The following SLC30A7 variants were observed in gnomAD, a reference collection of about 807,000 sequenced individuals.
SLC30A7 encodes solute carrier family 30 member 7, also known as zinc transporter 7.
SLC30A7 carries 35 observed loss-of-function variants against 46.0 expected under a neutral mutation model. That is an observed-to-expected ratio of 0.76 (90% confidence interval 0.58 to 1.01). SLC30A7 has a LOEUF of 1.01. SLC30A7 is among the 50% of genes least tolerant of loss of function. SLC30A7 has a pLI of 0.00. For synonymous variants in SLC30A7, 147 were observed against 157.8 expected (o/e 0.93, Z 0.51); for missense variants, 464 against 451.1 (o/e 1.03, Z -0.26).
At chr1:100,940,930 T>A (rs1218362587) in intron 8 of SLC30A7, 2 of 384,676 alleles carry the variant, frequency 5.2e-6, no homozygotes, top group African/African-American at 2.1e-5. Context: ...TGTGCTTGGC[T>A]GAATTCACAA....
chr1:100,940,887 G>A (rs1654301646), intron 8 of SLC30A7: 2 of 312,702 alleles, frequency 6.4e-6, no homozygotes, highest in East Asian at 9.9e-5. Flanking sequence ...TCTAAAACAT[G>A]TCTTCTTTGT....
chr1:100,983,228 CAAG>C (rs1008899191), downstream of SLC30A7, among the ~76,000 whole-genome samples: 13 of 152,056 alleles, frequency 8.5e-5, no homozygotes, highest in East Asian at 1.4e-3. Context: ...ACAGCAGAGA[CAAG>C]GAGGAGCAAA....
chr1:100,914,507 G>T (rs1269494700), intron 6 of SLC30A7, among the ~76,000 whole-genome samples: 1 of 152,020 alleles, frequency 6.6e-6, no homozygotes, highest in African/African-American at 2.4e-5. Flanking sequence ...TATAATTTTT[G>T]ATGTCTGTCA....
At chr1:100,963,680 T>G (rs1655678171) in intron 9 of SLC30A7, among the ~76,000 whole-genome samples, 1 of 152,094 alleles carries the variant, frequency 6.6e-6, no homozygotes. Context: ...TTCTATGATC[T>G]GCACTGTCCA....
At chr1:100,961,217 TCCC>T (rs1276225472) in intron 8 of SLC30A7, among the ~76,000 whole-genome samples, 1 of 152,086 alleles carries the variant, frequency 6.6e-6, no homozygotes, top group Non-Finnish European at 1.5e-5. Context: ...CGCCTTGGCT[TCCC>T]AAAGTGCTGG....
At chr1:100,951,579 C>T (rs1654953894) in intron 8 of SLC30A7, among the ~76,000 whole-genome samples, 1 of 152,178 alleles carries the variant, frequency 6.6e-6, no homozygotes, top group South Asian at 2.1e-4. Flanking sequence ...GCACTGTCTC[C>T]CTACTGCCCA....
At chr1:100,988,574 A>G in the SLC30A7 span, among the ~76,000 whole-genome samples, 1 of 152,190 alleles carries the variant, frequency 6.6e-6, no homozygotes, top group Non-Finnish European at 1.5e-5. Context: ...GGCCAGGCAT[A>G]GTGGCTCATG....
At chr1:100,902,249 A>T (rs1472560720) in intron 2 of SLC30A7, among the ~76,000 whole-genome samples, 2 of 152,194 alleles carry the variant, frequency 1.3e-5, no homozygotes, top group Admixed American at 1.3e-4. Context: ...GTCACATTTT[A>T]TTAAGTACTA....
chr1:100,916,496 A>G (rs531177830), intron 6 of SLC30A7, among the ~76,000 whole-genome samples: 1 of 152,150 alleles, frequency 6.6e-6, no homozygotes, highest in South Asian at 2.1e-4. Flanking sequence ...GTAGGTGTAT[A>G]TTGTTATGGG....
intron 8 of SLC30A7, among the ~76,000 whole-genome samples, chr1:100,946,597 G>A (rs967147888): frequency 2.6e-5 from 4 of 152,150 alleles, no homozygotes; most frequent in Non-Finnish European, 5.9e-5. Flanking sequence ...TTATTGATTT[G>A]CATATGTTGA....
Position 100,965,769 on chromosome 1 carries a change from G to A in SLC30A7, c.934G>A (p.Val312Ile), listed in dbSNP as rs368732792. The A allele has an allele frequency of 2.8e-5, 45 of 1,612,520 alleles. No homozygotes were observed. The highest frequency in any genetic ancestry group is 3.6e-5 in the Non-Finnish European group (42 of 1,178,878). Residue 312 changes from valine (V) to isoleucine (I), a missense_variant and splice_region_variant, in exon 10 of 11, where the codon GTA (valine) becomes ATA (isoleucine). Transcript: ENST00000357650. ...ENSLPQCYQR[V>I]QQLQGVYSLQ... is the part of the protein sequence containing the mutation. ...TTAATATCTCTCCTTTATATTTCAG[G>A]TACAGCAGTTGCAAGGAGTTTACAG... is the stretch of plus-strand genomic sequence containing the variant.
chr1:100,901,518 G>A (rs557447741), intron 2 of SLC30A7, among the ~76,000 whole-genome samples: 3 of 152,128 alleles, frequency 2.0e-5, no homozygotes, highest in East Asian at 1.9e-4. Context: ...GCAGTGGCGC[G>A]ATCTTGGCTT....
chr1:100,951,789 G>T (rs1433690861), intron 8 of SLC30A7, among the ~76,000 whole-genome samples: 1 of 152,164 alleles, frequency 6.6e-6, no homozygotes, highest in Non-Finnish European at 1.5e-5. Context: ...GAATGGCTGG[G>T]CAGAAGAATG....
chr1:100,995,224 A>T, the SLC30A7 span: 3 of 984,662 alleles, frequency 3.0e-6, no homozygotes, highest in Non-Finnish European at 4.6e-6. Flanking sequence ...ACCTCAGTTA[A>T]GAGTCACCTA....
chr1:100,948,674 G>A (rs1053216173), intron 8 of SLC30A7, among the ~76,000 whole-genome samples: 2 of 152,170 alleles, frequency 1.3e-5, no homozygotes, highest in East Asian at 1.9e-4. Flanking sequence ...TCACTTTCAG[G>A]TATACTAGTC....
In SLC30A7 at chr1:100,981,267, T is replaced by A. The variant is rs1316886282; in HGVS notation, c.*6410T>A. ...CAAGTAACTTCATTGCTTCCTTTGA[T>A]AGCAATTCAGTGAAATTTTTTCCCA... On this transcript the variant is annotated 3_prime_UTR_variant, in exon 11 of 11. Coordinates refer to ENST00000357650, the MANE Select transcript of SLC30A7 (RefSeq NM_133496.5). 6.6e-6 allele frequency: 1 copy of A among 152,208 alleles called. No homozygotes were observed. The highest frequency in any genetic ancestry group is 2.4e-5 in the African/African-American group (1 of 41,474). 9.4% of individuals were successfully genotyped at this position (152,208 alleles called of 1,614,324 possible).
chr1:100,911,992 T>G, intron 4 of SLC30A7, 120 bp from the exon 5 acceptor site: 1 of 861,328 alleles, frequency 1.2e-6, no homozygotes, highest in Non-Finnish European at 1.8e-6. Flanking sequence ...TTTGGGAGAT[T>G]TTTTTTAGTG....
chr1:100,946,821 C>T (rs11583919), intron 8 of SLC30A7, among the ~76,000 whole-genome samples: 1,992 of 152,202 alleles, frequency 0.013, 17 homozygotes, highest in Non-Finnish European at 0.019. Context: ...AGGGAGGATG[C>T]CCTCTTTTTC....
At chr1:100,950,682 A>C (rs1654904630) in intron 8 of SLC30A7, among the ~76,000 whole-genome samples, 1 of 152,210 alleles carries the variant, frequency 6.6e-6, no homozygotes, top group Non-Finnish European at 1.5e-5. Flanking sequence ...TTCTCCTAAA[A>C]TCAGGACTTT....
Sources: gnomAD v4.1 joint callset for allele counts (sites outside exome capture counted in the v4.1 genomes callset) on GRCh38, gnomAD v4.1.1 for gene constraint, MANE v1.5 for transcripts, NCBI Gene and HGNC (gene_info 2026-07-23, HGNC 2026-07-21) for gene names.